AFDN: variants seen among roughly 807,000 people sequenced by gnomAD.
AFDN encodes afadin, adherens junction formation factor, also known as afadin.
In AFDN, 68 loss-of-function variants were observed where a neutral mutation model predicts 216.6. The observed-to-expected ratio is 0.31, with a 90% CI of 0.26 to 0.38. The LOEUF (loss-of-function observed/expected upper bound fraction) is 0.38. Ranked by LOEUF, AFDN falls within the 10% of genes least tolerant of loss-of-function variation. The pLI is 1.00. For synonymous variants in AFDN, 868 were observed against 853.7 expected, an observed-to-expected ratio of 1.02 and a Z score of -0.29; for missense variants, 2,136 against 2,342.0, an observed-to-expected ratio of 0.91 and a Z score of 1.82.
At chr6:167,927,938 G>T (rs915508385) in intron 23 of AFDN, among the ~76,000 whole-genome samples, 1 of 152,108 alleles carries the variant, frequency 6.6e-6, no homozygotes, top group African/African-American at 2.4e-5. Flanking sequence ...TTACCCTACT[G>T]TACTCAAATC....
intron 15 of AFDN, 84 bp from the exon 16 acceptor site, chr6:167,913,318 GT>G: frequency 7.5e-7 from 1 of 1,328,046 alleles, no homozygotes; most frequent in South Asian, 1.3e-5. Context: ...TCATATTAGT[GT>G]TTTGATTTTT....
At chr6:167,832,153 C>T (rs1326527867) in intron 1 of AFDN, among the ~76,000 whole-genome samples, 1 of 152,194 alleles carries the variant, frequency 6.6e-6, no homozygotes, top group Non-Finnish European at 1.5e-5. Context: ...ATGTATCTGT[C>T]TGACCTACAT....
At chr6:167,929,599 C>G (rs1027358303) in intron 23 of AFDN, among the ~76,000 whole-genome samples, 2 of 152,226 alleles carry the variant, frequency 1.3e-5, no homozygotes, top group Admixed American at 6.5e-5. Context: ...CTCCAAAAGA[C>G]AGCCTGAAGA....
chr6:167,926,962 T>C (rs1189652204), intron 23 of AFDN, among the ~76,000 whole-genome samples: 1 of 152,216 alleles, frequency 6.6e-6, no homozygotes, highest in African/African-American at 2.4e-5. Flanking sequence ...GGATATTTGA[T>C]TTGCTGTTAC....
At chr6:167,911,039 T>C (rs746768398) in intron 13 of AFDN, 62 bp from the exon 14 acceptor site, 3 of 1,355,780 alleles carry the variant, frequency 2.2e-6, no homozygotes, top group Non-Finnish European at 3.1e-6. Context: ...TCTACACAGG[T>C]TGTCAGTAAT....
At chr6:167,869,996 A>C (rs1041349043) in intron 2 of AFDN, among the ~76,000 whole-genome samples, 1 of 152,212 alleles carries the variant, frequency 6.6e-6, no homozygotes, top group Non-Finnish European at 1.5e-5. Context: ...AATCTCATAG[A>C]ATCAGTGGAA....
At chr6:167,938,962 T>G (rs1794346980) in intron 23 of AFDN, among the ~76,000 whole-genome samples, 1 of 152,174 alleles carries the variant, frequency 6.6e-6, no homozygotes, top group Non-Finnish European at 1.5e-5. Context: ...ACAGTCCTGT[T>G]TTCATTTCTG....
At chr6:167,966,417 G>A in intron 32 of AFDN, 1 of 622,602 alleles carries the variant, frequency 1.6e-6, no homozygotes, top group Non-Finnish European at 2.4e-6. Flanking sequence ...GTCTCGGCAT[G>A]GTGATCCTCC....
rs2128748435 is a variant in AFDN, at chr6:167,962,911, G to T, written c.4968+344G>T. 8.7e-7 allele frequency: 1 copy of T among 1,152,070 alleles called. No individual in the cohort carries two copies. The highest frequency in any genetic ancestry group is 4.1e-5 in the Admixed American group (1 of 24,680). The allele number at this position is 1,152,070 out of a possible 1,614,324, so 71.4% of individuals were successfully genotyped here. On this transcript the variant is annotated intron_variant, in intron 31 of 33. Coordinates refer to ENST00000683244, the MANE Select transcript of AFDN (RefSeq NM_001386888.1). The surrounding 1 kb of genome is among the most constrained non-coding windows in gnomAD (Gnocchi z 5.2). ...AGCTTGTCATTGTGAAGGTGACATTGGTTCAGTGATTGCTTAAATGGCATG... is the reference window on the plus strand; with the variant it reads ...AGCTTGTCATTGTGAAGGTGACATTTGTTCAGTGATTGCTTAAATGGCATG...
At chr6:167,827,557 G>A (rs1372325526) in intron 1 of AFDN, 3 of 144,682 alleles carry the variant, frequency 2.1e-5, no homozygotes, top group Non-Finnish European at 4.6e-5. Context: ...CGAGCGCGGC[G>A]CGGCCCCGGC....
chr6:167,872,501 T>G, intron 4 of AFDN, 124 bp downstream of exon 4: 1 of 1,063,168 alleles, frequency 9.4e-7, no homozygotes, highest in South Asian at 1.6e-5. Flanking sequence ...GAAATGTGTT[T>G]GGGTCTACTC....
At chr6:167,888,834 A>G (rs1787196094) in intron 6 of AFDN, among the ~76,000 whole-genome samples, 1 of 152,200 alleles carries the variant, frequency 6.6e-6, no homozygotes, top group East Asian at 1.9e-4. Flanking sequence ...TATAAAAACA[A>G]TTGTTTGAAT....
At chr6:167,875,943 T>C (rs1466071006) in intron 5 of AFDN, among the ~76,000 whole-genome samples, 1 of 152,202 alleles carries the variant, frequency 6.6e-6, no homozygotes, top group East Asian at 1.9e-4. Flanking sequence ...AAACAAAATA[T>C]AACCATAGTA....
At chr6:167,919,975 A>G (rs533589141) in intron 21 of AFDN, among the ~76,000 whole-genome samples, 13 of 152,184 alleles carry the variant, frequency 8.5e-5, no homozygotes. Flanking sequence ...ACCTTTCAAG[A>G]TATCTTCAAA....
intron 30 of AFDN, among the ~76,000 whole-genome samples, chr6:167,957,976 T>C (rs901290472): frequency 6.6e-6 from 1 of 152,018 alleles, no homozygotes; most frequent in Non-Finnish European, 1.5e-5. Context: ...AGAGCCAGGG[T>C]CCCCAAACCC....
chr6:167,943,268 A>G, intron 24 of AFDN, 74 bp downstream of exon 24: 1 of 1,468,810 alleles, frequency 6.8e-7, no homozygotes. Flanking sequence ...GATTCTGCTG[A>G]TACTTCTAGT....
intron 1 of AFDN, among the ~76,000 whole-genome samples, chr6:167,844,226 A>T (rs558567629): frequency 6.9e-6 from 1 of 145,468 alleles, no homozygotes; most frequent in East Asian, 2.0e-4. Flanking sequence ...GTGTTTTGAG[A>T]TGAGATCTTG....
At position 167,853,662 on chromosome 6, in the gene AFDN, T is replaced by C. The variant is rs139328707; in HGVS notation, c.106-10889T>C. Among the ~76,000 whole-genome samples the C allele has an allele frequency of 3.3e-3, 497 of 152,208 alleles. 3 individuals are homozygous for C. Among genetic ancestry groups the C allele is most frequent in the African/African-American group, 0.011 (455 of 41,572 alleles). ...TTGGTTTGTTCATGCATGGAAGGCA[T>C]CTCTTTGAAGATGTAACCAAATACA... On this transcript the variant is annotated intron_variant, in intron 1 of 33. Transcript: ENST00000683244.
At chr6:167,913,898 A>G (rs1790720393) in intron 16 of AFDN, 1 of 484,608 alleles carries the variant, frequency 2.1e-6, no homozygotes, top group Non-Finnish European at 3.6e-6. Flanking sequence ...TGATATCTCC[A>G]TTTCTCCGCT....
Sources: allele counts gnomAD v4.1 joint callset (sites outside exome capture counted in the v4.1 genomes callset), GRCh38; gene constraint gnomAD v4.1.1; non-coding constraint Gnocchi (gnomAD v3.1); transcripts MANE v1.5; gene names NCBI Gene and HGNC (gene_info 2026-07-23, HGNC 2026-07-21).